The following LDB2 variants were observed in gnomAD, a reference collection of about 807,000 sequenced individuals.
The protein encoded by LDB2 is LIM domain-binding protein 2.
LDB2 carries 12 observed loss-of-function variants against 44.3 expected under a neutral mutation model. That is an observed-to-expected ratio of 0.27 (90% CI 0.17 to 0.44). The LOEUF is 0.44. LDB2 is among the 20% of genes least tolerant of loss of function. The pLI is 1.00. For missense variants in LDB2, 344 were observed against 473.5 expected, an observed-to-expected ratio of 0.73 and a Z score of 2.54; for synonymous variants, 164 against 174.8, an observed-to-expected ratio of 0.94 and a Z score of 0.49.
intron 1 of LDB2, among the ~76,000 whole-genome samples, chr4:16,815,653 A>T (rs190713620): frequency 1.3e-5 from 2 of 152,166 alleles, no homozygotes; most frequent in African/African-American, 4.8e-5. Flanking sequence ...CTCAAGACAA[A>T]GTCTCTGAAT....
chr4:16,551,586 C>T (rs923444111), intron 5 of LDB2, among the ~76,000 whole-genome samples: 9 of 152,054 alleles, frequency 5.9e-5, no homozygotes, highest in East Asian at 1.9e-4. Flanking sequence ...GGCGCGATCT[C>T]GGCTCACTGC....
At chr4:16,669,377 C>G (rs1744149365) in intron 2 of LDB2, among the ~76,000 whole-genome samples, 1 of 152,140 alleles carries the variant, frequency 6.6e-6, no homozygotes, top group Non-Finnish European at 1.5e-5. Flanking sequence ...TCCACAGAGA[C>G]AGGTACAGCT....
At chr4:16,558,658 T>A (rs1005215128) in intron 5 of LDB2, among the ~76,000 whole-genome samples, 14 of 152,150 alleles carry the variant, frequency 9.2e-5, no homozygotes, top group Non-Finnish European at 1.8e-4. Context: ...CCAGGAGAAC[T>A]TCCCCAATCT....
At chr4:16,736,867 G>A (rs966062519) in intron 2 of LDB2, among the ~76,000 whole-genome samples, 4 of 152,018 alleles carry the variant, frequency 2.6e-5, no homozygotes, top group Non-Finnish European at 4.4e-5. Flanking sequence ...TTTAAAACCC[G>A]AACCAGAAAC....
intron 1 of LDB2, among the ~76,000 whole-genome samples, chr4:16,850,951 T>A (rs943707980): frequency 3.3e-5 from 5 of 150,434 alleles, no homozygotes; most frequent in Non-Finnish European, 7.4e-5. Context: ...ACCATAAGTG[T>A]GTGTGTGTGT....
intron 2 of LDB2, among the ~76,000 whole-genome samples, chr4:16,678,943 G>A (rs116871274): frequency 1.3e-5 from 2 of 152,220 alleles, no homozygotes; most frequent in East Asian, 3.9e-4. Flanking sequence ...GGGATGAAGG[G>A]TGATATTTAT....
intron 2 of LDB2, among the ~76,000 whole-genome samples, chr4:16,696,935 A>G (rs1409350418): frequency 1.3e-5 from 2 of 152,084 alleles, no homozygotes; most frequent in African/African-American, 4.8e-5. Context: ...CACCCAGGTG[A>G]TTCTAATATC....
rs143997770 is a variant in LDB2, at chr4:16,805,614, A to G, written c.133-46354T>C. 1.4e-3 allele frequency among the ~76,000 whole-genome samples: 207 copies of G among 152,298 alleles called. 1 individual carries two copies. Among genetic ancestry groups the G allele is most frequent in the African/African-American group, 4.7e-3 (196 of 41,556 alleles). ...GAGGTGAAGCTGATGGGTATGAGGGAAGGCTTGAAGCCTGTGATCAATTTG... is the reference window on the plus strand; with the variant it reads ...GAGGTGAAGCTGATGGGTATGAGGGGAGGCTTGAAGCCTGTGATCAATTTG... On this transcript the variant is annotated intron_variant, in intron 1 of 7. Transcript: ENST00000304523.
rs34869059 is a variant in LDB2, at chr4:16,645,543, C to CAAA, written c.236-49671_236-49669dup. On this transcript the variant is annotated intron_variant, in intron 2 of 7. Coordinates refer to ENST00000304523, the MANE Select transcript of LDB2 (RefSeq NM_001290.5). Reference sequence around the variant, plus strand: ...TGGGCGACAGAGCGAGACTCCGTCTCAAAAAAAAAAAAAAAAAAAAAGGAT... The same window carrying CAAA: ...TGGGCGACAGAGCGAGACTCCGTCTCAAAAAAAAAAAAAAAAAAAAAAAAGGAT... 6.3e-3 allele frequency among the ~76,000 whole-genome samples: 536 copies of CAAA among 85,402 alleles called. 2 individuals carry two copies. Among genetic ancestry groups the CAAA allele is most frequent in the East Asian group, 0.013 (37 of 2,960 alleles). The allele number at this position is 85,402 out of a possible 152,430, so 56.0% of individuals were successfully genotyped here. A position where few individuals can be genotyped will look rare whatever the true frequency, so the allele number is the denominator to read the frequency against.
chr4:16,783,394 C>G (rs533320069), intron 1 of LDB2, among the ~76,000 whole-genome samples: 2 of 152,360 alleles, frequency 1.3e-5, no homozygotes, highest in African/African-American at 4.8e-5. Flanking sequence ...CACCAAGGCC[C>G]AAGAGAGCAA....
At chr4:16,789,733 C>T (rs1775283185) in intron 1 of LDB2, among the ~76,000 whole-genome samples, 1 of 152,108 alleles carries the variant, frequency 6.6e-6, no homozygotes, top group Admixed American at 6.5e-5. Flanking sequence ...AGTTTGAGAC[C>T]ATCCTGGCCA....
At chr4:16,629,745 G>A (rs1731351721) in intron 2 of LDB2, among the ~76,000 whole-genome samples, 1 of 152,042 alleles carries the variant, frequency 6.6e-6, no homozygotes, top group African/African-American at 2.4e-5. Flanking sequence ...GAGCTTCAAT[G>A]ACCTGGTGGA....
chr4:16,776,054 A>C (rs952323396), intron 1 of LDB2, among the ~76,000 whole-genome samples: 7 of 152,228 alleles, frequency 4.6e-5, no homozygotes, highest in African/African-American at 1.7e-4. Flanking sequence ...GCCTGCCAGC[A>C]TCCATATTTA....
At chr4:16,803,631 A>G (rs1247088854) in intron 1 of LDB2, among the ~76,000 whole-genome samples, 2 of 152,216 alleles carry the variant, frequency 1.3e-5, no homozygotes, top group African/African-American at 4.8e-5. Flanking sequence ...TCAACCATAT[A>G]TCATGAGAAA....
chr4:16,771,179 G>C (rs1447577178), intron 1 of LDB2, among the ~76,000 whole-genome samples: 1 of 151,866 alleles, frequency 6.6e-6, no homozygotes, highest in Non-Finnish European at 1.5e-5. Context: ...ACTGTGCCAG[G>C]ACCAAGGCCA....
intron 2 of LDB2, among the ~76,000 whole-genome samples, chr4:16,625,115 C>T (rs1263298422): frequency 6.6e-6 from 1 of 152,134 alleles, no homozygotes; most frequent in Non-Finnish European, 1.5e-5. Context: ...TGCTAGTCCC[C>T]TGCATCCTCA....
At chr4:16,803,204 T>C (rs948331423) in intron 1 of LDB2, among the ~76,000 whole-genome samples, 36 of 152,210 alleles carry the variant, frequency 2.4e-4, no homozygotes, top group African/African-American at 7.7e-4. Context: ...TGGTTTCTTT[T>C]ACCGCTAACC....
At chr4:16,762,597 C>T (rs552282041) in intron 1 of LDB2, among the ~76,000 whole-genome samples, 1 of 152,190 alleles carries the variant, frequency 6.6e-6, no homozygotes. Flanking sequence ...CGCACTATCA[C>T]GAGAACAAGA....
chr4:16,859,794 A>T (rs1376928962), intron 1 of LDB2, among the ~76,000 whole-genome samples: 1 of 152,242 alleles, frequency 6.6e-6, no homozygotes, highest in East Asian at 1.9e-4. Flanking sequence ...ACAATCTGCT[A>T]TGTGCCAGAC....
Sources: gnomAD v4.1 joint callset for allele counts (sites outside exome capture counted in the v4.1 genomes callset) on GRCh38, gnomAD v4.1.1 for gene constraint, MANE v1.5 for transcripts, NCBI Gene and HGNC (gene_info 2026-07-23, HGNC 2026-07-21) for gene names.